Variants in SLIT3 observed in about 807,000 individuals in gnomAD.
SLIT3 encodes the protein slit homolog 3 protein.
In SLIT3, 68 loss-of-function variants were observed where a neutral mutation model predicts 184.0. That is an observed-to-expected ratio of 0.37 (90% confidence interval 0.30 to 0.45). The LOEUF (loss-of-function observed/expected upper bound fraction) is 0.45, where lower values mean the gene tolerates loss of function less well. SLIT3 is among the 20% of genes least tolerant of loss of function. The probability of loss-of-function intolerance (pLI) is 1.00; values close to 1 mark genes in which losing one functional copy is unlikely to be tolerated. For missense variants in SLIT3, 1,707 were observed against 2,026.0 expected (o/e 0.84, Z 3.02); for synonymous variants, 831 against 828.6 (o/e 1.00, Z -0.05).
At chr5:168,679,373 T>A (rs1324379299) in intron 32 of SLIT3, among the ~76,000 whole-genome samples, 1 of 152,152 alleles carries the variant, frequency 6.6e-6, no homozygotes, top group African/African-American at 2.4e-5. Flanking sequence ...TTGCTTTTAA[T>A]AATAATGGTG....
At chr5:168,982,898 C>T (rs574710437) in intron 4 of SLIT3, among the ~76,000 whole-genome samples, 20 of 152,174 alleles carry the variant, frequency 1.3e-4, no homozygotes, top group South Asian at 8.3e-4. Context: ...TATTTTATGC[C>T]GAGGGACTCC....
At chr5:169,140,203 G>A (rs1422150754) in intron 4 of SLIT3, among the ~76,000 whole-genome samples, 4 of 150,320 alleles carry the variant, frequency 2.7e-5, no homozygotes, top group Non-Finnish European at 5.9e-5. Flanking sequence ...GGTGGCTCAC[G>A]CCTGTAATCC....
chr5:168,907,987 G>A (rs1761133140), intron 4 of SLIT3, among the ~76,000 whole-genome samples: 1 of 137,904 alleles, frequency 7.3e-6, no homozygotes, highest in Admixed American at 7.4e-5. Flanking sequence ...TATAGAGAGA[G>A]AGAGAGAGAG....
At chr5:168,809,911 G>T (rs1757108815) in intron 8 of SLIT3, among the ~76,000 whole-genome samples, 1 of 152,174 alleles carries the variant, frequency 6.6e-6, no homozygotes, top group African/African-American at 2.4e-5. Flanking sequence ...AGAATGGGGA[G>T]GTGGAGTGGC....
intron 8 of SLIT3, among the ~76,000 whole-genome samples, chr5:168,811,081 G>T (rs1757142734): frequency 6.6e-6 from 1 of 152,092 alleles, no homozygotes; most frequent in Non-Finnish European, 1.5e-5. Flanking sequence ...GTCCTAACTT[G>T]CCTGCTGAGA....
At chr5:168,886,475 C>G (rs906415162) in intron 4 of SLIT3, among the ~76,000 whole-genome samples, 3 of 152,190 alleles carry the variant, frequency 2.0e-5, no homozygotes, top group Admixed American at 6.5e-5. Context: ...TCCACTGACA[C>G]TTAAATAAAA....
rs756674036 is a variant in SLIT3, at chr5:169,064,720, C to T, written c.413+128759G>A. Among the ~76,000 whole-genome samples the T allele has an allele frequency of 4.3e-4, 66 of 152,270 alleles. 1 individual carries two copies. Among genetic ancestry groups the T allele is most frequent in the African/African-American group, 5.1e-4 (21 of 41,548 alleles). ...GCTCTTCTCTGTGCATCTTCTGTCC[C>T]GAGACACTGGATTTCCTTCAATATT... On this transcript the variant is annotated intron_variant, in intron 4 of 35. Coordinates refer to ENST00000519560, the MANE Select transcript of SLIT3 (RefSeq NM_003062.4).
At position 168,769,920 on chromosome 5, in the gene SLIT3, C is replaced by T. The variant is rs561967104; in HGVS notation, c.1459+2861G>A. On this transcript the variant is annotated intron_variant, in intron 14 of 35. Transcript: ENST00000519560. ...TCAATTTATCCATCTCTAGAATAAA[C>T]TGGATGACCTCTAAGGTTTCTAAAA... is the stretch of plus-strand genomic sequence containing the variant. Among the ~76,000 whole-genome samples, 10 of 152,296 alleles carry T rather than the reference C, an allele frequency of 6.6e-5. No individual in the cohort carries two copies. In the South Asian group the frequency reaches 2.1e-3, roughly 32 times the overall value.
intron 4 of SLIT3, among the ~76,000 whole-genome samples, chr5:169,093,459 G>T (rs1407855679): frequency 6.6e-6 from 1 of 151,948 alleles, no homozygotes; most frequent in Non-Finnish European, 1.5e-5. Flanking sequence ...TGAGGTCCTG[G>T]GGCAGGGGCT....
At chr5:169,191,901 C>G (rs1310946441) in intron 4 of SLIT3, among the ~76,000 whole-genome samples, 2 of 152,224 alleles carry the variant, frequency 1.3e-5, no homozygotes, top group African/African-American at 2.4e-5. Flanking sequence ...AGTCGTCCAG[C>G]ATTCCAGCCT....
chr5:169,300,280 C>T lies in SLIT3; in HGVS notation c.197+233G>A, dbSNP rs1222225664. On this transcript the variant is annotated intron_variant, in intron 1 of 35. Transcript: ENST00000519560. The surrounding 1 kb of genome is among the most constrained non-coding windows in gnomAD (Gnocchi z 4.1). ...GCGGGCCCTGCGTCTGGAACCCTCA[C>T]CCCTGGAGAGGCACTGCTCTTTGCC... Among the ~76,000 whole-genome samples, 1 of 152,230 alleles carries T rather than the reference C, an allele frequency of 6.6e-6. No homozygotes were observed. Among genetic ancestry groups the T allele is most frequent in the Non-Finnish European group, 1.5e-5 (1 of 68,038 alleles).
intron 1 of SLIT3, among the ~76,000 whole-genome samples, chr5:169,279,198 A>T (rs147865513): frequency 0.011 from 1,717 of 152,308 alleles, 17 homozygotes; most frequent in Middle Eastern, 0.024. Flanking sequence ...TGTGTAACTT[A>T]AAAGCTTTAT....
chr5:169,141,911 G>A (rs1292721201), intron 4 of SLIT3, among the ~76,000 whole-genome samples: 4 of 151,014 alleles, frequency 2.6e-5, no homozygotes, highest in Admixed American at 2.0e-4. Context: ...TTAGCTGGGC[G>A]TGGTAGCGCA....
At chr5:168,975,814 C>T (rs1754735994) in intron 4 of SLIT3, among the ~76,000 whole-genome samples, 1 of 152,158 alleles carries the variant, frequency 6.6e-6, no homozygotes, top group South Asian at 2.1e-4. Context: ...TGCCCAATCC[C>T]TACCTCCAAA....
At chr5:168,826,016 AGGG>A (rs2113675421) in intron 6 of SLIT3, among the ~76,000 whole-genome samples, 1 of 152,314 alleles carries the variant, frequency 6.6e-6, no homozygotes, top group East Asian at 1.9e-4. Context: ...TTTGCAGAGA[AGGG>A]GCTTCTTTCC....
chr5:168,831,169 G>C (rs1420738751), intron 6 of SLIT3, among the ~76,000 whole-genome samples: 1 of 152,194 alleles, frequency 6.6e-6, no homozygotes, highest in Non-Finnish European at 1.5e-5. Flanking sequence ...TAGGTTGACT[G>C]GAAATTTTAA....
rs762148599 is a variant in SLIT3 at position 168,710,912 on chromosome 5, T to G, written c.2702A>C (p.His901Pro). Residue 901 changes from histidine (H) to proline (P), a missense_variant, in exon 25 of 36, where the codon CAC becomes CCC. Transcript: ENST00000519560. ...TCACCTACCTTTGCACTGGAAGCGGTGGGTTGGGGTGGTGAGCAGGAGCCT... is the reference window on the plus strand; with the variant it reads ...TCACCTACCTTTGCACTGGAAGCGGGGGGTTGGGGTGGTGAGCAGGAGCCT... Reference protein sequence around the residue: ...ADRLLLTTPTHRFQCKGPVDI... With the variant: ...ADRLLLTTPTPRFQCKGPVDI... The G allele has an allele frequency of 4.0e-5, 62 of 1,547,606 alleles. 1 individual carries two copies. The South Asian group carries it at 6.9e-4, about 17-fold the overall frequency.
rs200555998 is a variant in SLIT3 at position 168,749,587 on chromosome 5, G to A, written c.2022C>T (p.Leu674=). The change falls in exon 19 of 36, where the codon CTC becomes CTT. Residue 674 remains leucine (L), a synonymous_variant. Coordinates refer to ENST00000519560, the MANE Select transcript of SLIT3 (RefSeq NM_003062.4). ...PFNCNCHLAW[L]GKWLRKRRIV... ...TCCGCCTCTTCCTCAACCACTTGCC[G>A]AGCCAGGCCAGGTGGCAGTTGCAGT... The A allele has an allele frequency of 1.2e-5, 19 of 1,614,180 alleles. No homozygotes were observed. Among genetic ancestry groups the A allele is most frequent in the African/African-American group, 2.7e-5 (2 of 75,052 alleles).
chr5:168,904,483 A>AAAT (rs550517719), intron 4 of SLIT3, among the ~76,000 whole-genome samples: 1,592 of 82,428 alleles, frequency 0.019, 17 homozygotes, highest in South Asian at 0.085. Context: ...CTTACTTTAG[A>AAAT]AATAACAATA....
Sources: allele counts gnomAD v4.1 joint callset (sites outside exome capture counted in the v4.1 genomes callset), GRCh38; gene constraint gnomAD v4.1.1; non-coding constraint Gnocchi (gnomAD v3.1); transcripts MANE v1.5; gene names NCBI Gene and HGNC (gene_info 2026-07-23, HGNC 2026-07-21).